Variants in PLAUR observed in about 807,000 individuals in gnomAD.
PLAUR encodes urokinase plasminogen activator surface receptor.
PLAUR carries 22 observed loss-of-function variants against 33.4 expected under a neutral mutation model. The observed-to-expected ratio is 0.66, with a 90% CI of 0.47 to 0.94. PLAUR has a LOEUF of 0.94. Among genes scored for constraint, PLAUR ranks in the 40% least tolerant of loss-of-function variants. The pLI is 0.00. For synonymous variants in PLAUR, 148 were observed against 167.3 expected (o/e 0.88, Z 0.89); for missense variants, 408 against 434.7 (o/e 0.94, Z 0.55).
intron 3 of PLAUR, among the ~76,000 whole-genome samples, chr19:43,658,094 G>A (rs1393971054): frequency 1.3e-5 from 2 of 152,078 alleles, no homozygotes; most frequent in East Asian, 1.9e-4. Flanking sequence ...TAGTCAACTG[G>A]ATATTATGGA....
At chr19:43,658,586 C>T (rs1317273519) in intron 3 of PLAUR, among the ~76,000 whole-genome samples, 5 of 152,244 alleles carry the variant, frequency 3.3e-5, no homozygotes, top group Non-Finnish European at 5.9e-5. Context: ...CAACTGGATC[C>T]GTTACTTTTC....
Position 43,655,276 on chromosome 19 carries a change from C to CAAAAA in PLAUR, c.607+158_607+162dup, listed in dbSNP as rs34689348. 2.5e-3 allele frequency among the ~76,000 whole-genome samples: 166 copies of CAAAAA among 66,184 alleles called. 2 individuals carry two copies. Among genetic ancestry groups the CAAAAA allele is most frequent in the African/African-American group, 9.4e-3 (156 of 16,680 alleles). The allele number at this position is 66,184 out of a possible 152,430, so 43.4% of individuals were successfully genotyped here. Reference sequence around the variant, plus strand: ...TGGGCAACAGAGTGAGACTCCGTCTCAAAAAAAAAAAAAAAAAAAAAAAGG... The same window carrying CAAAAA: ...TGGGCAACAGAGTGAGACTCCGTCTCAAAAAAAAAAAAAAAAAAAAAAAAAAAAGG... On this transcript the variant is annotated intron_variant, in intron 5 of 6. Transcript: ENST00000340093.
Position 43,665,364 on chromosome 19 carries a change from G to C in PLAUR, c.262C>G (p.Leu88Val). 6.2e-7 allele frequency: 1 copy of C among 1,613,942 alleles called. No homozygotes were observed. Residue 88 changes from leucine to valine, a missense_variant, in exon 3 of 7, where the codon CTT becomes GTT. Transcript: ENST00000340093. ...SYRTGLKITS[L>V]TEVVCGLDLC... ...TCTAACCCACACACAACCTCGGTAAGGCTGGTGATCTTCAAGCCAGTCCGA... is the reference window on the plus strand; with the variant it reads ...TCTAACCCACACACAACCTCGGTAACGCTGGTGATCTTCAAGCCAGTCCGA...
chr19:43,656,017 G>A (rs1410483741), intron 4 of PLAUR, among the ~76,000 whole-genome samples: 2 of 152,142 alleles, frequency 1.3e-5, no homozygotes, highest in Non-Finnish European at 2.9e-5. Flanking sequence ...CACTTTGGGA[G>A]GTTGAGGCGG....
At chr19:43,667,487 A>T in intron 2 of PLAUR, 94 bp downstream of exon 2, 2 of 829,536 alleles carry the variant, frequency 2.4e-6, no homozygotes, top group Non-Finnish European at 4.1e-6. Context: ...GTTTGTTTTT[A>T]GTTTGCATGT....
chr19:43,665,316 C>A lies in PLAUR; in HGVS notation c.310G>T (p.Gly104Cys), dbSNP rs1568564007. 1 of 1,613,934 alleles carries A rather than the reference C, an allele frequency of 6.2e-7. No homozygotes were observed. The highest frequency in any genetic ancestry group is 1.1e-5 in the South Asian group (1 of 91,074). Reference protein sequence around the residue: ...GLDLCNQGNSGRAVTYSRSRY... With the variant: ...GLDLCNQGNSCRAVTYSRSRY... Reference sequence around the variant, plus strand: ...GGATGGCAAGGGCTGCCCTACTCACCAGAGTTGCCCTGGTTGCACAAGTCT... The same window carrying A: ...GGATGGCAAGGGCTGCCCTACTCACAAGAGTTGCCCTGGTTGCACAAGTCT... Residue 104 changes from glycine (G) to cysteine (C), a missense_variant and splice_region_variant, in exon 3 of 7, where the codon GGC (glycine) becomes TGC (cysteine). Coordinates refer to ENST00000340093, the MANE Select transcript of PLAUR (RefSeq NM_002659.4).
At chr19:43,655,976 C>T (rs909656104) in intron 4 of PLAUR, among the ~76,000 whole-genome samples, 16 of 152,068 alleles carry the variant, frequency 1.1e-4, no homozygotes, top group Admixed American at 3.9e-4. Flanking sequence ...AGAGGGTGGC[C>T]GGGCGTGGTG....
chr19:43,662,575 A>G (rs1247405792), intron 3 of PLAUR, among the ~76,000 whole-genome samples: 1 of 152,158 alleles, frequency 6.6e-6, no homozygotes, highest in Non-Finnish European at 1.5e-5. Flanking sequence ...TGCTCCCAGG[A>G]CAATGTCTAG....
Position 43,668,475 on chromosome 19 carries a change from CCTT to C in PLAUR, c.56-787_56-785del, listed in dbSNP as rs572151358. Among the ~76,000 whole-genome samples the C allele has an allele frequency of 4.1e-3, 608 of 150,054 alleles. 1 individual carries two copies. Among genetic ancestry groups the C allele is most frequent in the Non-Finnish European group, 6.9e-3 (464 of 67,454 alleles). On this transcript the variant is annotated intron_variant, in intron 1 of 6. Transcript: ENST00000340093. Reference sequence around the variant, plus strand: ...GCTTTAGTCCCTCCCTCTAGCTCCTCCTTGAGATTCTAACTTCGCCCTTTAGCT... The same window carrying C: ...GCTTTAGTCCCTCCCTCTAGCTCCTCGAGATTCTAACTTCGCCCTTTAGCT...
In PLAUR at chr19:43,655,403, C is replaced by T. The variant is rs372139114; in HGVS notation, c.607+36G>A. The T allele has an allele frequency of 7.5e-5, 121 of 1,608,952 alleles. 1 individual carries two copies. In the African/African-American group the frequency reaches 8.1e-4, roughly 11 times the overall value. ...GTCTGCCTGAGTGCATGCCCCTGCCCGACCCCAGGCCTTGCCTGTGTCTCC... is the reference window on the plus strand; with the variant it reads ...GTCTGCCTGAGTGCATGCCCCTGCCTGACCCCAGGCCTTGCCTGTGTCTCC... On this transcript the variant is annotated intron_variant, in intron 5 of 6. Coordinates refer to ENST00000340093, the MANE Select transcript of PLAUR (RefSeq NM_002659.4).
intron 3 of PLAUR, 163 bp downstream of exon 3, chr19:43,665,153 G>T: frequency 1.5e-6 from 1 of 656,752 alleles, no homozygotes; most frequent in Admixed American, 2.5e-5. Context: ...AGAATGAGTT[G>T]GGGATGGAGC....
chr19:43,659,589 G>A (rs1974357146), intron 3 of PLAUR, among the ~76,000 whole-genome samples: 2 of 152,042 alleles, frequency 1.3e-5, no homozygotes, highest in Non-Finnish European at 2.9e-5. Flanking sequence ...CTGAGCTCCA[G>A]ACACGCAACT....
At chr19:43,646,348 C>A, downstream of PLAUR, 1 of 644,500 alleles carries the variant, frequency 1.6e-6, no homozygotes. Context: ...TGTTTCTTCT[C>A]TATATCACAT....
intron 4 of PLAUR, 80 bp from the exon 5 acceptor site, chr19:43,655,653 AT>A (rs1448484236): frequency 7.9e-7 from 1 of 1,273,370 alleles, no homozygotes; most frequent in Non-Finnish European, 1.1e-6. Context: ...AATAGCAGGC[AT>A]TCAACCATTC....
At chr19:43,667,763 G>C in intron 1 of PLAUR, 72 bp from the exon 2 acceptor site, 1 of 1,560,730 alleles carries the variant, frequency 6.4e-7, no homozygotes, top group East Asian at 2.4e-5. Flanking sequence ...ACCCCTGCAT[G>C]TCCCAATACC....
At chr19:43,657,040 T>G (rs1368311895) in intron 3 of PLAUR, among the ~76,000 whole-genome samples, 1 of 151,070 alleles carries the variant, frequency 6.6e-6, no homozygotes. Context: ...ACTCCCCGGG[T>G]TCAAGTGATT....
intron 5 of PLAUR, among the ~76,000 whole-genome samples, chr19:43,653,844 G>A (rs1156408932): frequency 1.3e-5 from 2 of 151,474 alleles, no homozygotes; most frequent in Non-Finnish European, 2.9e-5. Context: ...AGCTGGGTGC[G>A]GCCGGGCGTG....
chr19:43,663,138 C>G (rs1183609020), intron 3 of PLAUR, among the ~76,000 whole-genome samples: 1 of 152,160 alleles, frequency 6.6e-6, no homozygotes, highest in Non-Finnish European at 1.5e-5. Flanking sequence ...CAGCCCTGAC[C>G]CCTCTGCCTG....
intron 2 of PLAUR, among the ~76,000 whole-genome samples, chr19:43,666,375 G>A (rs1454207767): frequency 2.0e-5 from 3 of 152,016 alleles, no homozygotes; most frequent in East Asian, 1.9e-4. Flanking sequence ...GCAGTAGAGC[G>A]CTCCATTATG....
Sources: gnomAD v4.1 joint callset for allele counts (sites outside exome capture counted in the v4.1 genomes callset) on GRCh38, gnomAD v4.1.1 for gene constraint, MANE v1.5 for transcripts, NCBI Gene and HGNC (gene_info 2026-07-23, HGNC 2026-07-21) for gene names.